Variants in SIK3 observed in about 807,000 individuals in gnomAD.
The protein encoded by SIK3 is SIK family kinase 3.
In SIK3, 28 loss-of-function variants were observed where a neutral mutation model predicts 144.2. That is an observed-to-expected ratio of 0.19 (90% CI 0.14 to 0.27). The LOEUF is 0.27. SIK3 is among the 10% of genes least tolerant of loss of function. SIK3 has a pLI of 1.00. For synonymous variants in SIK3, 686 were observed against 676.3 expected, an observed-to-expected ratio of 1.01 and a Z score of -0.22; for missense variants, 1,319 against 1,776.0, an observed-to-expected ratio of 0.74 and a Z score of 4.62.
chr11:116,980,330 C>T (rs1231452645), intron 1 of SIK3, among the ~76,000 whole-genome samples: 1 of 152,040 alleles, frequency 6.6e-6, no homozygotes, highest in African/African-American at 2.4e-5. Flanking sequence ...TTCGGTAAAG[C>T]CCCTTCCTCA....
At chr11:117,008,572 A>G (rs1047368991) in intron 1 of SIK3, among the ~76,000 whole-genome samples, 38 of 152,208 alleles carry the variant, frequency 2.5e-4, no homozygotes, top group Non-Finnish European at 8.8e-5. Context: ...CTATATGTAT[A>G]TTTGATTAAA....
At chr11:116,949,016 CAA>C (rs1193577159) in intron 3 of SIK3, among the ~76,000 whole-genome samples, 3 of 151,908 alleles carry the variant, frequency 2.0e-5, no homozygotes, top group Non-Finnish European at 4.4e-5. Flanking sequence ...AATAATGAAA[CAA>C]GACATCAAAA....
At chr11:116,906,110 A>T (rs7111854) in intron 4 of SIK3, among the ~76,000 whole-genome samples, 25,515 of 152,182 alleles carry the variant, frequency 0.17, 3,189 homozygotes, top group African/African-American at 0.35. Flanking sequence ...AGGCAGGTGA[A>T]GTGGTAAAAT....
intron 1 of SIK3, among the ~76,000 whole-genome samples, chr11:116,984,964 T>G (rs1591480911): frequency 3.3e-5 from 5 of 152,366 alleles, no homozygotes; most frequent in Admixed American, 3.3e-4. Flanking sequence ...ACTGGCAAAC[T>G]TTCTTCATAG....
intron 1 of SIK3, among the ~76,000 whole-genome samples, chr11:117,017,721 T>C (rs1281128482): frequency 2.6e-5 from 4 of 152,108 alleles, no homozygotes; most frequent in Non-Finnish European, 5.9e-5. Flanking sequence ...ATCCTATAAA[T>C]GAGAAAGGTC....
chr11:117,098,143 CT>C lies in SIK3; in HGVS notation c.272del (p.Lys91ArgfsTer7). 6.7e-7 allele frequency: 1 copy of C among 1,493,042 alleles called. No individual in the cohort carries two copies. The highest frequency in any genetic ancestry group is 8.9e-7 in the Non-Finnish European group (1 of 1,119,620). 92.5% of individuals were successfully genotyped at this position (1,493,042 alleles called of 1,614,324 possible). A position where few individuals can be genotyped will look rare whatever the true frequency, so the allele number is the denominator to read the frequency against. ...KRATHLVTKA[K>X]VAIKIIDKTQ... Reference sequence around the variant, plus strand: ...TGCCGCCTGGCCCCTGCGCCGGTACCTTGGCCTTGGTGACGAGGTGCGTGGC... The same window carrying C: ...TGCCGCCTGGCCCCTGCGCCGGTACCTGGCCTTGGTGACGAGGTGCGTGGC... On this transcript the variant is annotated frameshift_variant and splice_region_variant, in exon 1 of 25. Transcript: ENST00000445177. LOFTEE classifies it high-confidence loss of function.
rs1378452598 is a variant in SIK3, at chr11:117,012,944, C to T, written c.274-55880G>A. Among the ~76,000 whole-genome samples the T allele has an allele frequency of 4.0e-5, 6 of 150,312 alleles. No homozygotes were observed. The East Asian group carries it at 5.9e-4, about 15-fold the overall frequency. ...TCGGCTCACTGCAAGCTCTGCCTCC[C>T]GGGTTCACACCATTATCCTGCCTCA... On this transcript the variant is annotated intron_variant, in intron 1 of 24. Transcript: ENST00000445177.
At chr11:117,000,963 T>C (rs957998001) in intron 1 of SIK3, among the ~76,000 whole-genome samples, 1 of 152,204 alleles carries the variant, frequency 6.6e-6, no homozygotes, top group Admixed American at 6.5e-5. Context: ...AATCTATCCA[T>C]TAAACAGTGT....
chr11:116,975,284 A>T (rs1949907674), intron 1 of SIK3, among the ~76,000 whole-genome samples: 1 of 144,126 alleles, frequency 6.9e-6, no homozygotes, highest in South Asian at 2.1e-4. Flanking sequence ...AGGATAGTGC[A>T]ACCATCACAA....
chr11:117,012,849 C>CTTTTTTTTT (rs10652499), intron 1 of SIK3, among the ~76,000 whole-genome samples: 3 of 96,104 alleles, frequency 3.1e-5, no homozygotes, highest in Non-Finnish European at 5.7e-5. Context: ...GCCATTACTG[C>CTTTTTTTTT]TTTTTTTTTT....
intron 15 of SIK3, among the ~76,000 whole-genome samples, chr11:116,866,914 T>C (rs1007509022): frequency 3.3e-5 from 5 of 152,188 alleles, no homozygotes; most frequent in African/African-American, 1.2e-4. Context: ...TCTTCCTTCT[T>C]TTAGGGTTCC....
At chr11:116,983,065 G>A (rs1950204697) in intron 1 of SIK3, among the ~76,000 whole-genome samples, 2 of 150,010 alleles carry the variant, frequency 1.3e-5, no homozygotes, top group Non-Finnish European at 3.0e-5. Context: ...CTTAAAAATT[G>A]AAATATAAAA....
At chr11:116,877,819 T>C (rs534137032) in intron 6 of SIK3, among the ~76,000 whole-genome samples, 1 of 152,192 alleles carries the variant, frequency 6.6e-6, no homozygotes, top group African/African-American at 2.4e-5. Context: ...ATGAGAGTAA[T>C]AGTTGTGATG....
chr11:117,056,556 T>C (rs1043644385), intron 1 of SIK3, among the ~76,000 whole-genome samples: 1 of 110,300 alleles, frequency 9.1e-6, no homozygotes. Context: ...GATATAGATA[T>C]AGATATAGAT....
intron 4 of SIK3, among the ~76,000 whole-genome samples, chr11:116,915,124 A>ATGTATGTGTGTGTGTG (rs1555093321): frequency 2.3e-4 from 30 of 129,928 alleles, no homozygotes; most frequent in Non-Finnish European, 9.8e-5. Flanking sequence ...GAAGCCATAT[A>ATGTATGTGTGTGTGTG]TGTGTGTGTG....
chr11:117,081,859 G>A (rs1175575447), intron 1 of SIK3, among the ~76,000 whole-genome samples: 1 of 152,144 alleles, frequency 6.6e-6, no homozygotes. Flanking sequence ...ACAACCCACA[G>A]AATGGCAGAA....
intron 1 of SIK3, among the ~76,000 whole-genome samples, chr11:117,079,270 T>C (rs943042121): frequency 6.6e-6 from 1 of 152,192 alleles, no homozygotes; most frequent in African/African-American, 2.4e-5. Flanking sequence ...GCACACTCAA[T>C]GGATTAGAAT....
At chr11:116,969,063 G>A (rs1428526375) in intron 1 of SIK3, among the ~76,000 whole-genome samples, 2 of 151,972 alleles carry the variant, frequency 1.3e-5, no homozygotes, top group Admixed American at 1.3e-4. Flanking sequence ...GGCCGAGGCG[G>A]GTGGATCACA....
At chr11:117,056,607 CAAG>C (rs1591624803) in intron 1 of SIK3, among the ~76,000 whole-genome samples, 1 of 147,902 alleles carries the variant, frequency 6.8e-6, no homozygotes, top group South Asian at 2.2e-4. Flanking sequence ...ATAAAGTCCC[CAAG>C]AAGAAGTGGC....
Sources: gnomAD v4.1 joint callset for allele counts (sites outside exome capture counted in the v4.1 genomes callset) on GRCh38, gnomAD v4.1.1 for gene constraint, MANE v1.5 for transcripts, NCBI Gene and HGNC (gene_info 2026-07-23, HGNC 2026-07-21) for gene names.